Variants in NALF1 observed in about 807,000 individuals in gnomAD.
NALF1 encodes the protein NALCN channel auxiliary factor 1.
NALF1 carries 3 observed loss-of-function variants against 48.4 expected under a neutral mutation model. The ratio of observed to expected loss-of-function variants is 0.06; its 90% CI spans 0.03 to 0.16. The LOEUF (loss-of-function observed/expected upper bound fraction) is 0.16, where lower values mean the gene tolerates loss of function less well. Among genes scored for constraint, NALF1 ranks in the 10% least tolerant of loss-of-function variants. The pLI, the probability that NALF1 is intolerant of heterozygous loss-of-function variation, is 1.00. For missense variants in NALF1, 526 were observed against 571.5 expected, an observed-to-expected ratio of 0.92 and a Z score of 0.81; for synonymous variants, 262 against 245.7, an observed-to-expected ratio of 1.07 and a Z score of -0.62.
chr13:107,655,018 T>G (rs956756827), intron 1 of NALF1, among the ~76,000 whole-genome samples: 2 of 152,174 alleles, frequency 1.3e-5, no homozygotes, highest in African/African-American at 4.8e-5. Context: ...AAGAGTCATC[T>G]ACGACAAACC....
chr13:107,789,978 G>A (rs537716051), intron 1 of NALF1, among the ~76,000 whole-genome samples: 9 of 152,158 alleles, frequency 5.9e-5, no homozygotes, highest in Admixed American at 4.6e-4. Flanking sequence ...TCACTCCCTT[G>A]TACACTGTAC....
intron 1 of NALF1, among the ~76,000 whole-genome samples, chr13:107,651,241 C>A (rs566613913): frequency 6.6e-6 from 1 of 152,126 alleles, no homozygotes; most frequent in African/African-American, 2.4e-5. Context: ...CATTTAGTCC[C>A]GGGCTGTTTC....
intron 1 of NALF1, among the ~76,000 whole-genome samples, chr13:107,339,138 GA>G (rs3072810): frequency 0.29 from 34,625 of 121,032 alleles, 4,787 homozygotes; most frequent in African/African-American, 0.43. Context: ...TGTCTCAGAA[GA>G]AAAAAAAAAA....
At chr13:107,296,855 T>TCAAA (rs1218916599) in intron 1 of NALF1, among the ~76,000 whole-genome samples, 4 of 152,076 alleles carry the variant, frequency 2.6e-5, no homozygotes, top group Admixed American at 2.6e-4. Context: ...CAAATTAAAT[T>TCAAA]CAAAGGTAGG....
At chr13:107,377,000 C>T (rs537754043) in intron 1 of NALF1, among the ~76,000 whole-genome samples, 3 of 152,126 alleles carry the variant, frequency 2.0e-5, no homozygotes, top group Non-Finnish European at 4.4e-5. Flanking sequence ...TAATGCCAAC[C>T]GATTTCTCTG....
At position 107,362,925 on chromosome 13, in the gene NALF1, T is replaced by C. The variant is rs749999597; in HGVS notation, c.916-152170A>G. 1.3e-5 allele frequency among the ~76,000 whole-genome samples: 2 copies of C among 152,164 alleles called. No homozygotes were observed. The highest frequency in any genetic ancestry group is 2.9e-5 in the Non-Finnish European group (2 of 68,040). ...GATAAAGGTAGAAACTATCTTCTTA[T>C]ATCCCTTTTCATAGAACTATGATGT... On this transcript the variant is annotated intron_variant, in intron 1 of 2. Coordinates refer to ENST00000375915, the MANE Select transcript of NALF1 (RefSeq NM_001080396.3). The surrounding 1 kb of genome is among the most constrained non-coding windows in gnomAD (Gnocchi z 4.6).
At chr13:107,249,060 G>A (rs1200695650) in intron 1 of NALF1, among the ~76,000 whole-genome samples, 3 of 151,824 alleles carry the variant, frequency 2.0e-5, no homozygotes, top group Non-Finnish European at 4.4e-5. Context: ...TGAAATGTCA[G>A]AACATTTCCT....
At chr13:107,735,604 C>T (rs1296433651) in intron 1 of NALF1, among the ~76,000 whole-genome samples, 5 of 152,194 alleles carry the variant, frequency 3.3e-5, no homozygotes, top group Admixed American at 2.6e-4. Flanking sequence ...ATGTGATATC[C>T]GTACGAATTC....
chr13:107,403,142 A>G (rs766330549), intron 1 of NALF1, among the ~76,000 whole-genome samples: 174 of 118,458 alleles, frequency 1.5e-3, no homozygotes, highest in Non-Finnish European at 2.1e-3. Flanking sequence ...TCCACACTTG[A>G]CCCCACATTT....
intron 1 of NALF1, among the ~76,000 whole-genome samples, chr13:107,839,739 AT>A (rs1488887127): frequency 2.0e-5 from 3 of 152,084 alleles, no homozygotes; most frequent in Non-Finnish European, 4.4e-5. Context: ...TTTTTGACCC[AT>A]AAAACATTTG....
At chr13:107,517,800 C>T (rs1253799897) in intron 1 of NALF1, among the ~76,000 whole-genome samples, 1 of 151,986 alleles carries the variant, frequency 6.6e-6, no homozygotes, top group Non-Finnish European at 1.5e-5. Flanking sequence ...ACAAAAAATA[C>T]AAAAGTTAGC....
At chr13:107,801,962 A>T (rs1878627936) in intron 1 of NALF1, among the ~76,000 whole-genome samples, 1 of 152,102 alleles carries the variant, frequency 6.6e-6, no homozygotes. Flanking sequence ...CAGTTTAAGG[A>T]ACCATGTTTT....
chr13:107,818,013 A>G (rs142249955), intron 1 of NALF1, among the ~76,000 whole-genome samples: 11 of 152,322 alleles, frequency 7.2e-5, no homozygotes, highest in African/African-American at 2.2e-4. Flanking sequence ...TGTTGGTAGA[A>G]ACAGACATGA....
At chr13:107,849,991 A>T (rs143207647) in intron 1 of NALF1, among the ~76,000 whole-genome samples, 1 of 152,190 alleles carries the variant, frequency 6.6e-6, no homozygotes, top group African/African-American at 2.4e-5. Context: ...TTCCTTTTCA[A>T]CAATTTGTAT....
At chr13:107,222,204 A>C (rs1022580889) in intron 1 of NALF1, among the ~76,000 whole-genome samples, 3 of 152,204 alleles carry the variant, frequency 2.0e-5, no homozygotes, top group African/African-American at 7.2e-5. Flanking sequence ...CCTCCAATTA[A>C]GAAGCTTATT....
rs191095484 is a variant in NALF1, at chr13:107,539,294, G to A, written c.915+326388C>T. ...AGAAGGATGGAAGGCAGAAGCAAGCGTGCAAGACAGAGCAAGAAGGAGAAG... is the reference window on the plus strand; with the variant it reads ...AGAAGGATGGAAGGCAGAAGCAAGCATGCAAGACAGAGCAAGAAGGAGAAG... On this transcript the variant is annotated intron_variant, in intron 1 of 2. Transcript: ENST00000375915. Among the ~76,000 whole-genome samples the A allele has an allele frequency of 1.3e-3, 205 of 152,034 alleles. 3 individuals carry two copies. Among genetic ancestry groups the A allele is most frequent in the Non-Finnish European group, 9.0e-4 (61 of 68,012 alleles).
intron 1 of NALF1, among the ~76,000 whole-genome samples, chr13:107,771,741 A>G (rs1877582550): frequency 6.6e-6 from 1 of 152,014 alleles, no homozygotes; most frequent in African/African-American, 2.4e-5. Context: ...GAACAAAAGC[A>G]TTTCTTTTCT....
At chr13:107,509,772 C>A (rs1170230966) in intron 1 of NALF1, among the ~76,000 whole-genome samples, 1 of 152,036 alleles carries the variant, frequency 6.6e-6, no homozygotes. Context: ...CCTGAAAGAA[C>A]AACTGGTTTC....
chr13:107,746,958 G>A (rs193124632), intron 1 of NALF1, among the ~76,000 whole-genome samples: 51 of 152,266 alleles, frequency 3.3e-4, no homozygotes, highest in African/African-American at 1.2e-3. Flanking sequence ...GAAGACACAA[G>A]GAGAGAAAGC....
Sources: allele counts gnomAD v4.1 joint callset (sites outside exome capture counted in the v4.1 genomes callset), GRCh38; gene constraint gnomAD v4.1.1; non-coding constraint Gnocchi (gnomAD v3.1); transcripts MANE v1.5; gene names NCBI Gene and HGNC (gene_info 2026-07-23, HGNC 2026-07-21).